ABCG5: variants seen among roughly 807,000 people sequenced by gnomAD.
ABCG5 encodes the protein ATP binding cassette subfamily G member 5, also known as ATP-binding cassette sub-family G member 5.
ABCG5 carries 64 observed loss-of-function variants against 64.5 expected under a neutral mutation model. That is an observed-to-expected ratio of 0.99 (90% CI 0.81 to 1.22). The LOEUF is 1.22. ABCG5 is among the 50% of genes most tolerant of loss of function. The probability of loss-of-function intolerance (pLI) is 0.00; values close to 1 mark genes in which losing one functional copy is unlikely to be tolerated. For synonymous variants in ABCG5, 385 were observed against 326.3 expected (o/e 1.18, Z -1.94); for missense variants, 908 against 829.5 (o/e 1.09, Z -1.16).
chr2:43,831,210 T>C (rs770060048), intron 4 of ABCG5, among the ~76,000 whole-genome samples: 3 of 152,232 alleles, frequency 2.0e-5, no homozygotes, highest in Non-Finnish European at 4.4e-5. Context: ...TCTCTTTTTG[T>C]CCTTCAGGCT....
chr2:43,830,145 G>A lies in ABCG5; in HGVS notation c.501+1624C>T, dbSNP rs1055928934. Among the ~76,000 whole-genome samples the A allele has an allele frequency of 2.0e-4, 31 of 152,136 alleles. 1 individual carries two copies. The highest frequency in any genetic ancestry group is 6.8e-4 in the African/African-American group (28 of 41,416). On this transcript the variant is annotated intron_variant, in intron 4 of 12. Coordinates refer to ENST00000405322, the MANE Select transcript of ABCG5 (RefSeq NM_022436.3). ...TGCCCCTCCTGGCTTGGAAGAGATG[G>A]ACAGAGAAGACATTTACTTAATTTG...
chr2:43,806,698 T>A, the ABCG5 span, among the ~76,000 whole-genome samples: 4 of 152,204 alleles, frequency 2.6e-5, no homozygotes, highest in Admixed American at 1.3e-4. Context: ...TTCATATACA[T>A]CAGTATTATT....
rs1011290058 is a variant in ABCG5 at position 43,812,478 on chromosome 2, T to C, written c.*638A>G. The C allele has an allele frequency of 7.2e-5, 11 of 152,798 alleles. No individual in the cohort carries two copies. The highest frequency in any genetic ancestry group is 4.4e-5 in the Non-Finnish European group (3 of 68,520). The allele number at this position is 152,798 out of a possible 1,614,324, so 9.5% of individuals were successfully genotyped here. ...TTTGTCTGGTGTGCTTTGTTCACTG[T>C]TGAGCCCATTCCTACGGTTTTTTAT... On this transcript the variant is annotated 3_prime_UTR_variant, in exon 13 of 13. Coordinates refer to ENST00000405322, the MANE Select transcript of ABCG5 (RefSeq NM_022436.3).
Position 43,838,052 on chromosome 2 carries a change from G to C in ABCG5, c.144-97C>G. 6.5e-7 allele frequency: 1 copy of C among 1,537,448 alleles called. No homozygotes were observed. Among genetic ancestry groups the C allele is most frequent in the African/African-American group, 1.4e-5 (1 of 73,366 alleles). ...TTGATCCTACCTGTGCCCCACCCCA[G>C]TAGTCTCCGGACAGGCTCCTAACGT... On this transcript the variant is annotated intron_variant, in intron 1 of 12. Coordinates refer to ENST00000405322, the MANE Select transcript of ABCG5 (RefSeq NM_022436.3). This position sits in a 1 kb window ranked among gnomAD's most constrained non-coding sequence, Gnocchi z 4.2.
chr2:43,817,864 C>T (rs1666943966), intron 11 of ABCG5, among the ~76,000 whole-genome samples: 1 of 152,064 alleles, frequency 6.6e-6, no homozygotes, highest in East Asian at 1.9e-4. Context: ...GAGCCGAGAT[C>T]GCGCCACTGC....
chr2:43,833,829 C>T (rs1024922582), intron 2 of ABCG5, among the ~76,000 whole-genome samples: 3 of 152,134 alleles, frequency 2.0e-5, no homozygotes, highest in Non-Finnish European at 4.4e-5. Context: ...GAATTACAGG[C>T]GTGTGCCACC....
chr2:43,834,109 T>A (rs756612472), intron 2 of ABCG5, among the ~76,000 whole-genome samples: 5 of 152,228 alleles, frequency 3.3e-5, no homozygotes, highest in African/African-American at 9.6e-5. Flanking sequence ...CCCCTGCGTG[T>A]TCAGGAGGTG....
At chr2:43,817,833 A>G (rs186468701) in intron 11 of ABCG5, among the ~76,000 whole-genome samples, 1 of 148,542 alleles carries the variant, frequency 6.7e-6, no homozygotes, top group Non-Finnish European at 1.5e-5. Flanking sequence ...TCGCTTGAAC[A>G]TGGGAGGCGG....
At chr2:43,810,582 AC>A, downstream of ABCG5, 1 of 925,404 alleles carries the variant, frequency 1.1e-6, no homozygotes, top group African/African-American at 1.8e-5. Context: ...ATGTCCACAT[AC>A]AAAATATATT....
At chr2:43,824,480 G>A (rs551472825) in intron 7 of ABCG5, 48 bp from the exon 8 acceptor site, 6 of 1,604,258 alleles carry the variant, frequency 3.7e-6, no homozygotes, top group South Asian at 1.1e-5. Context: ...TTAAATGCAT[G>A]TATGTACATG....
At chr2:43,832,272 T>G in intron 2 of ABCG5, 189 bp from the exon 3 acceptor site, 1 of 719,376 alleles carries the variant, frequency 1.4e-6, no homozygotes, top group Non-Finnish European at 2.3e-6. Flanking sequence ...CGTGCAGCAG[T>G]CTCACGCGCA....
intron 10 of ABCG5, among the ~76,000 whole-genome samples, chr2:43,821,180 C>A (rs1424771695): frequency 2.0e-5 from 3 of 152,218 alleles, no homozygotes; most frequent in Non-Finnish European, 4.4e-5. Flanking sequence ...CTGTACAAAT[C>A]ATGAAGTTTG....
intron 5 of ABCG5, 124 bp from the exon 6 acceptor site, chr2:43,826,645 G>A (rs1667624652): frequency 2.8e-6 from 4 of 1,408,922 alleles, no homozygotes; most frequent in Middle Eastern, 2.1e-4. Context: ...GCGGTGGGAA[G>A]TAAACATGTA....
At chr2:43,825,511 A>G (rs1399345240) in intron 6 of ABCG5, among the ~76,000 whole-genome samples, 1 of 152,260 alleles carries the variant, frequency 6.6e-6, no homozygotes, top group Non-Finnish European at 1.5e-5. Flanking sequence ...GGAAAAACAC[A>G]GCCTTTGAAG....
At chr2:43,818,523 T>C (rs1287287560) in intron 11 of ABCG5, among the ~76,000 whole-genome samples, 4 of 152,190 alleles carry the variant, frequency 2.6e-5, no homozygotes, top group Non-Finnish European at 5.9e-5. Context: ...TCGGGGATCA[T>C]CTGTACATGA....
chr2:43,809,422 GAC>G (rs2104729354), downstream of ABCG5, among the ~76,000 whole-genome samples: 1 of 152,318 alleles, frequency 6.6e-6, no homozygotes, highest in Admixed American at 6.5e-5. Flanking sequence ...TTAGTTGAAA[GAC>G]AATTCATATG....
chr2:43,814,184 G>A (rs1025498482), intron 12 of ABCG5, among the ~76,000 whole-genome samples: 2 of 152,134 alleles, frequency 1.3e-5, no homozygotes, highest in Admixed American at 6.5e-5. Context: ...GTAGATACAG[G>A]AACTGAGTCT....
chr2:43,828,472 C>CAAAAA (rs754944007), intron 4 of ABCG5: 927 of 189,222 alleles, frequency 4.9e-3, no homozygotes, highest in Middle Eastern at 0.012. Flanking sequence ...CCTGTCTCTA[C>CAAAAA]AAAAAAAAAA....
At position 43,834,296 on chromosome 2, in the gene ABCG5, C is replaced by T. The variant is rs114083777; in HGVS notation, c.266-2213G>A. Among the ~76,000 whole-genome samples, 1,407 of 152,282 alleles carry T rather than the reference C, an allele frequency of 9.2e-3. 27 individuals are homozygous for T. Among genetic ancestry groups the T allele is most frequent in the African/African-American group, 0.031 (1,277 of 41,540 alleles). ...AACTCTGGCAGAAGCTGCAAATATC[C>T]TGCAGCCTGGGTCCCAGCCCCACCA... is the stretch of plus-strand genomic sequence containing the variant. On this transcript the variant is annotated intron_variant, in intron 2 of 12. Transcript: ENST00000405322.
Sources: gnomAD v4.1 joint callset for allele counts (sites outside exome capture counted in the v4.1 genomes callset) on GRCh38, gnomAD v4.1.1 for gene constraint, Gnocchi (gnomAD v3.1) non-coding constraint, MANE v1.5 for transcripts, NCBI Gene and HGNC (gene_info 2026-07-23, HGNC 2026-07-21) for gene names.